Variants in P2RY12 observed in about 807,000 individuals in gnomAD.
P2RY12 encodes purinergic receptor P2Y12, also known as P2Y purinoceptor 12.
In P2RY12, 3 loss-of-function variants were observed where a neutral mutation model predicts 4.5. That is an observed-to-expected ratio of 0.67 (90% CI 0.31 to 1.74). The LOEUF (loss-of-function observed/expected upper bound fraction) is 1.74, where lower values mean the gene tolerates loss of function less well. P2RY12 is among the 40% of genes most tolerant of loss of function. P2RY12 has a pLI of 0.09. For synonymous variants in P2RY12, 148 were observed against 154.1 expected (o/e 0.96, Z 0.29); for missense variants, 356 against 407.8 (o/e 0.87, Z 1.09).
intron 1 of P2RY12, among the ~76,000 whole-genome samples, chr3:151,360,260 A>G (rs1754447741): frequency 1.3e-5 from 2 of 152,140 alleles, no homozygotes; most frequent in South Asian, 2.1e-4. Context: ...TCTTGTCATC[A>G]GTGACATTTC....
At chr3:151,355,272 CAGTA>C (rs1195084004) in intron 1 of P2RY12, 1 of 1,464,216 alleles carries the variant, frequency 6.8e-7, no homozygotes, top group South Asian at 1.2e-5. Context: ...TATGCATTTG[CAGTA>C]TTCTAATTTA....
At chr3:151,342,985 C>T (rs1036181288) in intron 1 of P2RY12, among the ~76,000 whole-genome samples, 1 of 152,008 alleles carries the variant, frequency 6.6e-6, no homozygotes, top group Non-Finnish European at 1.5e-5. Flanking sequence ...AGATGGAGAC[C>T]CCATTCTGAC....
chr3:151,355,357 C>G, intron 1 of P2RY12: 1 of 644,248 alleles, frequency 1.6e-6, no homozygotes, highest in Non-Finnish European at 2.7e-6. Flanking sequence ...TATAAACATA[C>G]TTGGAAGTAT....
intron 1 of P2RY12, among the ~76,000 whole-genome samples, chr3:151,371,550 G>T (rs9849395): frequency 0.9 from 136,675 of 152,256 alleles, 61,489 homozygotes; most frequent in African/African-American, 0.96. Flanking sequence ...TAAATACTCA[G>T]TAAGCCATTT....
chr3:151,355,999 C>G (rs1449621493), intron 1 of P2RY12: 2 of 1,613,880 alleles, frequency 1.2e-6, no homozygotes, highest in Admixed American at 1.7e-5. Flanking sequence ...CTCATGGAGC[C>G]AGCACTGAAC....
chr3:151,371,007 C>T (rs751497891), intron 1 of P2RY12, among the ~76,000 whole-genome samples: 50 of 152,302 alleles, frequency 3.3e-4, no homozygotes, highest in African/African-American at 1.0e-3. Flanking sequence ...GGGCACTGAA[C>T]GCTCAAATGT....
intron 1 of P2RY12, among the ~76,000 whole-genome samples, chr3:151,361,185 A>G (rs540183297): frequency 2.0e-5 from 3 of 152,244 alleles, no homozygotes; most frequent in South Asian, 2.1e-4. Context: ...AGAAGGTTCT[A>G]TAGCCCCATT....
At chr3:151,345,018 GC>G (rs1021452986) in intron 1 of P2RY12, among the ~76,000 whole-genome samples, 2 of 152,166 alleles carry the variant, frequency 1.3e-5, no homozygotes, top group African/African-American at 4.8e-5. Context: ...AGGACATTTG[GC>G]TCAAGAGACA....
At chr3:151,377,298 A>G in intron 1 of P2RY12, 1 of 744,518 alleles carries the variant, frequency 1.3e-6, no homozygotes, top group Non-Finnish European at 2.1e-6. Context: ...GTTACTTGTA[A>G]GCAGGGATTA....
intron 1 of P2RY12, among the ~76,000 whole-genome samples, chr3:151,375,595 T>C (rs749251787): frequency 2.6e-5 from 4 of 152,144 alleles, no homozygotes; most frequent in Non-Finnish European, 5.9e-5. Flanking sequence ...AAAAGGAAGA[T>C]CGTTTTCTAA....
intron 1 of P2RY12, chr3:151,384,235 C>T (rs752474783): frequency 6.3e-7 from 1 of 1,594,990 alleles, no homozygotes; most frequent in Non-Finnish European, 8.5e-7. Flanking sequence ...TTGAGATCAG[C>T]CTGTATTATG....
At position 151,367,543 on chromosome 3, in the gene P2RY12, A is replaced by C. The variant is rs539284350; in HGVS notation, c.-180+17149T>G. 7 of 1,025,418 alleles carry C rather than the reference A, an allele frequency of 6.8e-6. No homozygotes were observed. The African/African-American group carries it at 1.1e-4, about 17-fold the overall frequency. The allele number at this position is 1,025,418 out of a possible 1,614,324, so 63.5% of individuals were successfully genotyped here. The stretch of plus-strand genomic sequence containing the variant: ...TTTCCCTCTGCTGGTTCATGTTGGG[A>C]TTTGAGATCTTATTGGTATTGCCTG... On this transcript the variant is annotated intron_variant, in intron 1 of 2. Transcript: ENST00000302632.
intron 1 of P2RY12, chr3:151,369,426 G>A (rs1462053887): frequency 6.4e-7 from 1 of 1,574,734 alleles, no homozygotes. Flanking sequence ...AAGATTTGTT[G>A]TTTTTGTAGG....
chr3:151,382,809 T>G, intron 1 of P2RY12: 1 of 1,313,466 alleles, frequency 7.6e-7, no homozygotes, highest in South Asian at 1.3e-5. Flanking sequence ...TACCTCCAGC[T>G]TTCCACTTCT....
chr3:151,346,927 A>T (rs1179020677), intron 1 of P2RY12, among the ~76,000 whole-genome samples: 1 of 152,182 alleles, frequency 6.6e-6, no homozygotes, highest in Non-Finnish European at 1.5e-5. Context: ...TTAATTTTTT[A>T]TACATTGTAA....
In P2RY12 at chr3:151,337,864, T is replaced by C. The variant is rs748857978; in HGVS notation, c.982A>G (p.Lys328Glu). 4.1e-5 allele frequency: 66 copies of C among 1,614,022 alleles called. No homozygotes were observed. The Admixed American group carries it at 1.1e-3, about 26-fold the overall frequency. The change falls in exon 3 of 3, where the codon AAA becomes GAA. Residue 328 changes from lysine (K) to glutamate (E), a missense_variant. Coordinates refer to ENST00000302632, the MANE Select transcript of P2RY12 (RefSeq NM_022788.5). ...SATSLSQDNR[K>E]KEQDGGDPNE... ...GGGTCACCACCATCCTGTTCTTTTTTCCTATTGTCCTGGGACAGAGATGTT... is the reference window on the plus strand; with the variant it reads ...GGGTCACCACCATCCTGTTCTTTTTCCCTATTGTCCTGGGACAGAGATGTT...
chr3:151,383,689 A>G, intron 1 of P2RY12: 1 of 792,324 alleles, frequency 1.3e-6, no homozygotes, highest in Non-Finnish European at 2.0e-6. Context: ...TTTTTTAAAT[A>G]AAAAACAATC....
intron 1 of P2RY12, among the ~76,000 whole-genome samples, chr3:151,352,789 T>C (rs1254220956): frequency 6.6e-6 from 1 of 152,174 alleles, no homozygotes; most frequent in African/African-American, 2.4e-5. Context: ...ATGGTGTATC[T>C]TTTGAAAATA....
intron 1 of P2RY12, among the ~76,000 whole-genome samples, chr3:151,361,032 G>A (rs1393818763): frequency 6.6e-6 from 1 of 151,978 alleles, no homozygotes; most frequent in Non-Finnish European, 1.5e-5. Context: ...GATCAATGAG[G>A]CAGCTCTTTG....
Sources: allele counts gnomAD v4.1 joint callset (sites outside exome capture counted in the v4.1 genomes callset), GRCh38; gene constraint gnomAD v4.1.1; transcripts MANE v1.5; gene names NCBI Gene and HGNC (gene_info 2026-07-23, HGNC 2026-07-21).